Variants in AGBL3 observed in about 807,000 individuals in gnomAD.
AGBL3 encodes cytosolic carboxypeptidase 3.
Under a neutral mutation model 94.5 loss-of-function variants are expected in AGBL3, and 68 were observed. The observed-to-expected ratio is 0.72, with a 90% CI of 0.59 to 0.88. The LOEUF is 0.88. AGBL3 is among the 40% of genes least tolerant of loss of function. The probability of loss-of-function intolerance (pLI) is 0.00; values close to 1 mark genes in which losing one functional copy is unlikely to be tolerated. For missense variants in AGBL3, 934 were observed against 1,103.8 expected (o/e 0.85, Z 2.18); for synonymous variants, 354 against 370.7 (o/e 0.95, Z 0.52).
At chr7:135,020,084 CT>C (rs1402918502) in intron 5 of AGBL3, among the ~76,000 whole-genome samples, 1 of 152,134 alleles carries the variant, frequency 6.6e-6, no homozygotes, top group Non-Finnish European at 1.5e-5. Context: ...AACTAAAGAG[CT>C]TCTGTACAGC....
At chr7:135,031,347 C>T (rs113450037) in intron 5 of AGBL3, among the ~76,000 whole-genome samples, 7,626 of 152,232 alleles carry the variant, frequency 0.05, 260 homozygotes, top group Non-Finnish European at 0.08. Context: ...GCAACCTCCA[C>T]CTCCTGGGTT....
intron 12 of AGBL3, among the ~76,000 whole-genome samples, chr7:135,065,845 T>C (rs1260214201): frequency 6.6e-6 from 1 of 152,146 alleles, no homozygotes; most frequent in African/African-American, 2.4e-5. Flanking sequence ...AAGTCATGAT[T>C]GGGCCACTGC....
chr7:135,026,108 C>T (rs1253677178), intron 5 of AGBL3, among the ~76,000 whole-genome samples: 4 of 151,290 alleles, frequency 2.6e-5, no homozygotes, highest in African/African-American at 7.3e-5. Context: ...ATGTATTCTT[C>T]TCATTTGCAC....
chr7:135,117,400 G>A (rs754613756), intron 16 of AGBL3, among the ~76,000 whole-genome samples: 3 of 152,138 alleles, frequency 2.0e-5, no homozygotes, highest in Non-Finnish European at 2.9e-5. Flanking sequence ...CAGATGTAAC[G>A]TCATGTTCAA....
chr7:135,032,694 C>T (rs1815893705), intron 5 of AGBL3, 150 bp from the exon 6 acceptor site: 2 of 599,366 alleles, frequency 3.3e-6, no homozygotes, highest in Non-Finnish European at 5.2e-6. Flanking sequence ...CTCTTAGATT[C>T]TCTTATTTCA....
chr7:135,017,590 C>T (rs2116229662), intron 5 of AGBL3, among the ~76,000 whole-genome samples: 1 of 152,310 alleles, frequency 6.6e-6, no homozygotes, highest in South Asian at 2.1e-4. Flanking sequence ...AACTGCCCCA[C>T]TTTGCAAAAA....
intron 16 of AGBL3, among the ~76,000 whole-genome samples, chr7:135,128,164 T>G (rs1439136798): frequency 1.3e-5 from 2 of 150,678 alleles, no homozygotes; most frequent in Non-Finnish European, 1.5e-5. Flanking sequence ...TGGTGGTGAG[T>G]GCCTGTAGTC....
In AGBL3 at chr7:135,105,314, C is replaced by T. The variant is rs929620704; in HGVS notation, c.2111-10066C>T. ...TGAACTCCTGACCTCAGGTGATCCG[C>T]CTGCCTCGGTCTCCCAAAGTGCTGG... is the stretch of plus-strand genomic sequence containing the variant. On this transcript the variant is annotated intron_variant, in intron 15 of 16. Coordinates refer to ENST00000436302, the MANE Select transcript of AGBL3 (RefSeq NM_178563.4). Among the ~76,000 whole-genome samples, 6 of 135,962 alleles carry T rather than the reference C, an allele frequency of 4.4e-5. No homozygotes were observed. In the South Asian group the frequency reaches 1.4e-3, roughly 31 times the overall value. 89.2% of individuals were successfully genotyped at this position (135,962 alleles called of 152,430 possible). A position where few individuals can be genotyped will look rare whatever the true frequency, so the allele number is the denominator to read the frequency against.
chr7:135,066,735 TA>T (rs976481631), intron 12 of AGBL3, among the ~76,000 whole-genome samples: 4 of 152,086 alleles, frequency 2.6e-5, no homozygotes, highest in Non-Finnish European at 5.9e-5. Flanking sequence ...GATGAATGGA[TA>T]AAAAAGATGA....
chr7:135,130,906 TGGC>T (rs1174749021), intron 16 of AGBL3, among the ~76,000 whole-genome samples: 1 of 152,172 alleles, frequency 6.6e-6, no homozygotes, highest in Non-Finnish European at 1.5e-5. Context: ...CGTTGGTGGG[TGGC>T]TTAGAAGCAA....
rs771040894 is a variant in AGBL3, at chr7:135,073,505, AATAAAT to A, written c.1909-2890_1909-2885del. 7.5e-3 allele frequency among the ~76,000 whole-genome samples: 830 copies of A among 110,282 alleles called. 4 individuals are homozygous for A. Among genetic ancestry groups the A allele is most frequent in the Non-Finnish European group, 0.011 (530 of 46,520 alleles). 72.3% of individuals were successfully genotyped at this position (110,282 alleles called of 152,430 possible). On this transcript the variant is annotated intron_variant, in intron 12 of 16. Coordinates refer to ENST00000436302, the MANE Select transcript of AGBL3 (RefSeq NM_178563.4). ...AAATAAATAAATAAATAAATAAATA[AATAAAT>A]AAACCTTGCAGTTTTAAGAGTGTAG...
intron 15 of AGBL3, chr7:135,099,852 T>C (rs941826045): frequency 6.6e-6 from 1 of 150,680 alleles, no homozygotes; most frequent in Non-Finnish European, 1.5e-5. Flanking sequence ...TTTATTTCTG[T>C]GCATTTAGCA....
intron 9 of AGBL3, among the ~76,000 whole-genome samples, chr7:135,044,398 T>C (rs1563212153): frequency 1.3e-5 from 2 of 152,172 alleles, no homozygotes. Context: ...TTTCATATGG[T>C]AATCTTTAAA....
At chr7:134,997,241 C>T (rs1193093282) in intron 4 of AGBL3, among the ~76,000 whole-genome samples, 2 of 152,168 alleles carry the variant, frequency 1.3e-5, no homozygotes, top group Non-Finnish European at 2.9e-5. Flanking sequence ...TGACAGGAGA[C>T]AAAGCTCAGG....
chr7:135,125,566 C>A (rs1184103784), intron 16 of AGBL3, among the ~76,000 whole-genome samples: 1 of 152,150 alleles, frequency 6.6e-6, no homozygotes, highest in Non-Finnish European at 1.5e-5. Context: ...ATCCTGATAC[C>A]AAAACCAGGA....
At chr7:135,049,587 T>C (rs1817688364) in intron 11 of AGBL3, among the ~76,000 whole-genome samples, 1 of 152,000 alleles carries the variant, frequency 6.6e-6, no homozygotes, top group Non-Finnish European at 1.5e-5. Context: ...TGATTAAATC[T>C]CCATAATAGT....
chr7:135,009,433 T>C (rs973965585), intron 4 of AGBL3, among the ~76,000 whole-genome samples: 10 of 152,240 alleles, frequency 6.6e-5, no homozygotes, highest in African/African-American at 2.4e-4. Context: ...GGCAACTATA[T>C]AGACAAAATA....
At chr7:135,098,346 C>T (rs957134259) in intron 15 of AGBL3, among the ~76,000 whole-genome samples, 4 of 152,122 alleles carry the variant, frequency 2.6e-5, no homozygotes, top group Admixed American at 6.6e-5. Flanking sequence ...TGCTTTAAGT[C>T]ATCTCTAGAT....
At chr7:135,040,207 A>G (rs748639184) in intron 8 of AGBL3, among the ~76,000 whole-genome samples, 5 of 152,230 alleles carry the variant, frequency 3.3e-5, no homozygotes, top group African/African-American at 4.8e-5. Context: ...AAGAAACTCC[A>G]GAAAACAAAT....
Sources: gnomAD v4.1 joint callset for allele counts (sites outside exome capture counted in the v4.1 genomes callset) on GRCh38, gnomAD v4.1.1 for gene constraint, MANE v1.5 for transcripts, NCBI Gene and HGNC (gene_info 2026-07-23, HGNC 2026-07-21) for gene names.